GRB10: variants seen among roughly 807,000 people sequenced by gnomAD.
GRB10 encodes the protein growth factor receptor-bound protein 10.
In GRB10, 20 loss-of-function variants were observed where a neutral mutation model predicts 80.9. The observed-to-expected ratio is 0.25, with a 90% CI of 0.17 to 0.36. The LOEUF (loss-of-function observed/expected upper bound fraction) is 0.36. GRB10 is among the 10% of genes least tolerant of loss of function. The probability of loss-of-function intolerance (pLI) is 1.00; values close to 1 mark genes in which losing one functional copy is unlikely to be tolerated. For missense variants in GRB10, 548 were observed against 747.7 expected (o/e 0.73, Z 3.12); for synonymous variants, 291 against 291.5 (o/e 1.00, Z 0.02).
chr7:50,653,601 G>A (rs2058270560), intron 7 of GRB10, among the ~76,000 whole-genome samples: 1 of 152,152 alleles, frequency 6.6e-6, no homozygotes, highest in Admixed American at 6.5e-5. Flanking sequence ...TCCCCAGGCA[G>A]GAAGAGCCCT....
At chr7:50,742,300 CACACACACACACACAT>C (rs1273128917) in intron 3 of GRB10, among the ~76,000 whole-genome samples, 6 of 150,400 alleles carry the variant, frequency 4.0e-5, no homozygotes, top group African/African-American at 1.5e-4. Context: ...CACACACACA[CACACACACACACACAT>C]ACACGGCATC....
intron 7 of GRB10, among the ~76,000 whole-genome samples, chr7:50,641,442 G>T (rs1278448284): frequency 1.3e-5 from 2 of 152,096 alleles, no homozygotes; most frequent in African/African-American, 2.4e-5. Context: ...TTCCCTGAAG[G>T]GCATCCTAAA....
At chr7:50,611,322 G>A (rs573010369) in intron 13 of GRB10, among the ~76,000 whole-genome samples, 1 of 152,294 alleles carries the variant, frequency 6.6e-6, no homozygotes, top group East Asian at 1.9e-4. Flanking sequence ...TCTTTCTGGA[G>A]GTCCATGCAG....
At chr7:50,774,942 G>A (rs1022277481) in intron 2 of GRB10, among the ~76,000 whole-genome samples, 5 of 149,956 alleles carry the variant, frequency 3.3e-5, no homozygotes, top group Admixed American at 6.7e-5. Context: ...CCAGGAGGTC[G>A]AGACCAGCCT....
intron 3 of GRB10, among the ~76,000 whole-genome samples, chr7:50,736,808 A>C (rs544713757): frequency 6.6e-6 from 1 of 152,338 alleles, no homozygotes; most frequent in East Asian, 1.9e-4. Context: ...AATTTTTTTT[A>C]AACGGTCCTA....
At chr7:50,671,300 T>G (rs970753719) in intron 6 of GRB10, among the ~76,000 whole-genome samples, 1 of 152,196 alleles carries the variant, frequency 6.6e-6, no homozygotes, top group African/African-American at 2.4e-5. Context: ...CTCAAGTAAT[T>G]TTTTTGACAA....
intron 5 of GRB10, among the ~76,000 whole-genome samples, chr7:50,675,461 G>A (rs1322756978): frequency 6.6e-6 from 1 of 152,242 alleles, no homozygotes; most frequent in African/African-American, 2.4e-5. Context: ...TAGACTAGAT[G>A]CTGTGAAAGT....
chr7:50,685,638 G>A (rs1244086947), intron 5 of GRB10, among the ~76,000 whole-genome samples: 1 of 152,094 alleles, frequency 6.6e-6, no homozygotes, highest in Non-Finnish European at 1.5e-5. Context: ...TATCCCAGAG[G>A]CCAGAAATTC....
At chr7:50,679,241 G>T (rs940297712) in intron 5 of GRB10, among the ~76,000 whole-genome samples, 2 of 152,108 alleles carry the variant, frequency 1.3e-5, no homozygotes, top group African/African-American at 4.8e-5. Flanking sequence ...GCAAACTGAG[G>T]CTGGCTTAGT....
chr7:50,604,257 G>T (rs1287060995), intron 16 of GRB10, 54 bp downstream of exon 16: 10 of 1,446,834 alleles, frequency 6.9e-6, no homozygotes, highest in South Asian at 5.7e-5. Flanking sequence ...GTGGAGGGGG[G>T]TGCTGTTTGA....
chr7:50,613,762 G>A (rs970473493), intron 12 of GRB10, among the ~76,000 whole-genome samples: 1 of 152,312 alleles, frequency 6.6e-6, no homozygotes, highest in East Asian at 1.9e-4. Flanking sequence ...TCTAGCTGGT[G>A]TGAATTAGAC....
Position 50,590,184 on chromosome 7 carries a change from C to G in GRB10, c.*2768G>C, listed in dbSNP as rs1321143158. On this transcript the variant is annotated 3_prime_UTR_variant, in exon 19 of 19. Coordinates refer to ENST00000401949, the MANE Select transcript of GRB10 (RefSeq NM_001350814.2). The stretch of plus-strand genomic sequence containing the variant: ...GGTTCACGAGCCAAAGAGCTATGTA[C>G]AGAATGAAGCAAAGCACATGGAATA... 1.3e-5 allele frequency: 2 copies of G among 152,184 alleles called. No individual in the cohort carries two copies. The highest frequency in any genetic ancestry group is 2.4e-5 in the African/African-American group (1 of 41,426). The allele number at this position is 152,184 out of a possible 1,614,324, so 9.4% of individuals were successfully genotyped here.
intron 8 of GRB10, among the ~76,000 whole-genome samples, chr7:50,620,357 T>C (rs17544225): frequency 0.083 from 12,622 of 152,192 alleles, 799 homozygotes; most frequent in South Asian, 0.13. Context: ...GAAAGTTTCA[T>C]CTTGGAAGGA....
intron 7 of GRB10, among the ~76,000 whole-genome samples, chr7:50,664,728 TA>T (rs2059622899): frequency 6.6e-6 from 1 of 152,100 alleles, no homozygotes; most frequent in South Asian, 2.1e-4. Context: ...TGGCACCAAC[TA>T]GACCGTGAGC....
intron 13 of GRB10, among the ~76,000 whole-genome samples, chr7:50,611,618 C>G (rs1378741131): frequency 6.6e-6 from 1 of 152,172 alleles, no homozygotes; most frequent in African/African-American, 2.4e-5. Context: ...CTTAATGTCT[C>G]TGGAATCTGT....
intron 5 of GRB10, among the ~76,000 whole-genome samples, chr7:50,692,649 T>C (rs2062962137): frequency 6.6e-6 from 1 of 152,146 alleles, no homozygotes; most frequent in African/African-American, 2.4e-5. Context: ...TCATTAAATA[T>C]CTATGAAGTA....
intron 2 of GRB10, among the ~76,000 whole-genome samples, chr7:50,763,164 A>G (rs1035543633): frequency 2.2e-4 from 33 of 152,094 alleles, no homozygotes; most frequent in African/African-American, 7.7e-4. Flanking sequence ...ATTACCACAC[A>G]GCCAACAATC....
At chr7:50,742,372 C>T (rs978857036) in intron 3 of GRB10, among the ~76,000 whole-genome samples, 23 of 151,878 alleles carry the variant, frequency 1.5e-4, no homozygotes, top group African/African-American at 5.6e-4. Flanking sequence ...GAGATGAAGG[C>T]CAAGGGCTGG....
intron 10 of GRB10, chr7:50,617,836 G>A (rs887692854): frequency 2.0e-5 from 12 of 591,986 alleles, no homozygotes; most frequent in Non-Finnish European, 2.7e-5. Flanking sequence ...CAAGGGCATC[G>A]TGTAAGTGCC....
Sources: allele counts gnomAD v4.1 joint callset (sites outside exome capture counted in the v4.1 genomes callset), GRCh38; gene constraint gnomAD v4.1.1; transcripts MANE v1.5; gene names NCBI Gene and HGNC (gene_info 2026-07-23, HGNC 2026-07-21).